The following HGD variants were observed in gnomAD, a reference collection of about 807,000 sequenced individuals.
HGD encodes the protein homogentisate oxidase.
A neutral mutation model predicts 60.8 loss-of-function variants in HGD; 61 were observed. The observed-to-expected ratio is 1.00, with a 90% CI of 0.82 to 1.24. The LOEUF (loss-of-function observed/expected upper bound fraction) is 1.24, where lower values mean the gene tolerates loss of function less well. HGD is among the 50% of genes most tolerant of loss of function. HGD has a pLI of 0.00. For synonymous variants in HGD, 212 were observed against 187.7 expected (o/e 1.13, Z -1.06); for missense variants, 542 against 547.1 (o/e 0.99, Z 0.09).
chr3:120,634,672 G>A (rs1242692096), intron 12 of HGD, among the ~76,000 whole-genome samples: 1 of 152,220 alleles, frequency 6.6e-6, no homozygotes, highest in African/African-American at 2.4e-5. Flanking sequence ...GGACAGAATA[G>A]AGAGATGTGG....
chr3:120,653,946 A>C (rs1262502351), intron 4 of HGD, among the ~76,000 whole-genome samples: 1 of 152,208 alleles, frequency 6.6e-6, no homozygotes, highest in East Asian at 1.9e-4. Context: ...TGTAACAACC[A>C]AAAATGTCTC....
rs1213210807 is a variant in HGD at position 120,681,049 on chromosome 3, G to A, written c.15+1048C>T. ...TCAGGCATAAAGATAAAAAACCAAA[G>A]TCTTTTACTCCGGTGTGGAGTGTTT... On this transcript the variant is annotated intron_variant, in intron 1 of 13. Transcript: ENST00000283871. Among the ~76,000 whole-genome samples the A allele has an allele frequency of 2.6e-5, 4 of 152,314 alleles. No individual in the cohort carries two copies. In the East Asian group the frequency reaches 7.7e-4, roughly 29 times the overall value.
chr3:120,657,628 T>C (rs566400152), intron 4 of HGD, among the ~76,000 whole-genome samples: 48 of 152,316 alleles, frequency 3.2e-4, no homozygotes, highest in African/African-American at 1.2e-3. Flanking sequence ...TGTTCTCACA[T>C]TGCTATAAAG....
chr3:120,666,173 T>C (rs1325715033), intron 4 of HGD, among the ~76,000 whole-genome samples: 1 of 152,198 alleles, frequency 6.6e-6, no homozygotes, highest in East Asian at 1.9e-4. Flanking sequence ...TGCTACCTGG[T>C]TGGAGCCGGT....
At chr3:120,669,203 C>T (rs540424411) in intron 4 of HGD, among the ~76,000 whole-genome samples, 1 of 151,948 alleles carries the variant, frequency 6.6e-6, no homozygotes, top group Non-Finnish European at 1.5e-5. Context: ...TTTCAAAGGC[C>T]TCTCTTCAAA....
At chr3:120,680,909 A>T (rs1708219305) in intron 1 of HGD, among the ~76,000 whole-genome samples, 1 of 152,198 alleles carries the variant, frequency 6.6e-6, no homozygotes, top group African/African-American at 2.4e-5. Flanking sequence ...CTCCTTTAGG[A>T]AATTTTTTTT....
intron 1 of HGD, among the ~76,000 whole-genome samples, chr3:120,676,865 C>T (rs538444650): frequency 1.4e-4 from 21 of 152,258 alleles, no homozygotes; most frequent in Middle Eastern, 3.4e-3. Context: ...TCAGTTGTTG[C>T]GGGAAGTCTG....
chr3:120,635,219 T>C (rs1260536376), intron 12 of HGD, among the ~76,000 whole-genome samples: 1 of 152,198 alleles, frequency 6.6e-6, no homozygotes, highest in Non-Finnish European at 1.5e-5. Context: ...GGCTCACGCC[T>C]GTAATCCCAG....
intron 9 of HGD, 44 bp from the exon 10 acceptor site, chr3:120,644,487 A>C: frequency 6.2e-7 from 1 of 1,613,244 alleles, no homozygotes; most frequent in Non-Finnish European, 8.5e-7. Context: ...CTTCCAAAAC[A>C]TAGGAAAGAT....
At chr3:120,675,083 G>A in intron 2 of HGD, 94 bp from the exon 3 acceptor site, 2 of 826,024 alleles carry the variant, frequency 2.4e-6, no homozygotes, top group Non-Finnish European at 4.2e-6. Flanking sequence ...GGGATGCTCT[G>A]GGCGACTGCA....
intron 7 of HGD, 89 bp from the exon 8 acceptor site, chr3:120,647,141 T>C (rs928742778): frequency 2.0e-6 from 2 of 986,344 alleles, no homozygotes; most frequent in Admixed American, 1.7e-5. Flanking sequence ...TGCATTTGCT[T>C]TTCCATTCCA....
intron 12 of HGD, among the ~76,000 whole-genome samples, chr3:120,634,763 G>C (rs1940705568): frequency 6.6e-6 from 1 of 152,100 alleles, no homozygotes; most frequent in African/African-American, 2.4e-5. Context: ...ATAACCAAGT[G>C]CCAAATGCTT....
rs536939599 is a variant in HGD, at chr3:120,638,684, A to C, written c.880-103T>G. 88 of 1,344,324 alleles carry C rather than the reference A, an allele frequency of 6.5e-5. 1 individual carries two copies. In the South Asian group the frequency reaches 1.0e-3, roughly 15 times the overall value. The allele number at this position is 1,344,324 out of a possible 1,614,324, so 83.3% of individuals were successfully genotyped here. On this transcript the variant is annotated intron_variant, in intron 11 of 13. Coordinates refer to ENST00000283871, the MANE Select transcript of HGD (RefSeq NM_000187.4). ...TGAAGGTGTTTGCAAGTGACATTCT[A>C]ATTTTTTTATTTATTTTTATTCAAC... is the stretch of plus-strand genomic sequence containing the variant.
intron 4 of HGD, chr3:120,670,222 C>A (rs1260158985): frequency 3.3e-6 from 2 of 598,850 alleles, no homozygotes; most frequent in African/African-American, 3.7e-5. Flanking sequence ...ATAAATTACC[C>A]AGTCTTGGTT....
chr3:120,673,529 T>G (rs1231294877), intron 3 of HGD, among the ~76,000 whole-genome samples: 2 of 152,130 alleles, frequency 1.3e-5, no homozygotes. Flanking sequence ...GAGAGATGAT[T>G]AAATAGTGAA....
chr3:120,651,588 C>A (rs181431308), intron 5 of HGD, among the ~76,000 whole-genome samples: 18 of 152,260 alleles, frequency 1.2e-4, no homozygotes, highest in Admixed American at 6.5e-4. Flanking sequence ...GAGTTTGGAG[C>A]ACTTAATAAA....
intron 12 of HGD, among the ~76,000 whole-genome samples, chr3:120,634,747 T>C (rs1940704802): frequency 6.6e-6 from 1 of 152,092 alleles, no homozygotes; most frequent in Non-Finnish European, 1.5e-5. Context: ...TGCTTACATG[T>C]GAAGTATAAC....
At chr3:120,633,088 CCT>C (rs1353513544) in intron 13 of HGD, 57 bp downstream of exon 13, 2 of 1,518,310 alleles carry the variant, frequency 1.3e-6, no homozygotes, top group African/African-American at 2.7e-5. Context: ...AACGGCCACC[CCT>C]CTCAGTAAGG....
intron 4 of HGD, among the ~76,000 whole-genome samples, chr3:120,665,437 C>T (rs2107540728): frequency 6.6e-6 from 1 of 152,276 alleles, no homozygotes; most frequent in East Asian, 1.9e-4. Context: ...GGAATTCTAG[C>T]TGAAATCTGT....
Sources: gnomAD v4.1 joint callset for allele counts (sites outside exome capture counted in the v4.1 genomes callset) on GRCh38, gnomAD v4.1.1 for gene constraint, MANE v1.5 for transcripts, NCBI Gene and HGNC (gene_info 2026-07-23, HGNC 2026-07-21) for gene names.